The following EPHA6 variants were observed in gnomAD, a reference collection of about 807,000 sequenced individuals.
EPHA6 encodes EPH receptor A6, also known as ephrin type-A receptor 6.
Under a neutral mutation model 112.0 loss-of-function variants are expected in EPHA6, and 50 were observed. That is an observed-to-expected ratio of 0.45 (90% CI 0.36 to 0.56). The LOEUF is 0.56. Ranked by LOEUF, EPHA6 falls within the 20% of genes least tolerant of loss-of-function variation. The probability of loss-of-function intolerance (pLI) is 0.00; values close to 1 mark genes in which losing one functional copy is unlikely to be tolerated. For synonymous variants in EPHA6, 529 were observed against 490.7 expected, an observed-to-expected ratio of 1.08 and a Z score of -1.03; for missense variants, 1,280 against 1,417.4, an observed-to-expected ratio of 0.90 and a Z score of 1.56.
At chr3:97,329,579 A>T (rs1052067679) in intron 5 of EPHA6, among the ~76,000 whole-genome samples, 2 of 151,716 alleles carry the variant, frequency 1.3e-5, no homozygotes, top group African/African-American at 4.9e-5. Context: ...GATGATGAGC[A>T]TTTTTTCATG....
chr3:97,684,811 G>A (rs546751745), intron 14 of EPHA6, among the ~76,000 whole-genome samples: 8 of 152,138 alleles, frequency 5.3e-5, no homozygotes, highest in Non-Finnish European at 7.4e-5. Context: ...CATCAGATAC[G>A]TAAAATTGTA....
chr3:97,050,351 T>G (rs1007123367), intron 3 of EPHA6, among the ~76,000 whole-genome samples: 1 of 152,166 alleles, frequency 6.6e-6, no homozygotes, highest in African/African-American at 2.4e-5. Context: ...GTAATTCATC[T>G]AACAATTAGC....
chr3:97,654,627 A>G (rs889765605), intron 14 of EPHA6, among the ~76,000 whole-genome samples: 1 of 151,964 alleles, frequency 6.6e-6, no homozygotes, highest in African/African-American at 2.4e-5. Flanking sequence ...ACCAGCCAGG[A>G]AAAGATTTGA....
intron 1 of EPHA6, among the ~76,000 whole-genome samples, chr3:96,829,934 C>CAT (rs1163380599): frequency 7.6e-5 from 10 of 132,310 alleles, no homozygotes; most frequent in African/African-American, 3.1e-4. Flanking sequence ...CATGCACGTG[C>CAT]ATGTGCGCGC....
chr3:96,876,132 TA>T lies in EPHA6; in HGVS notation c.450+9244del, dbSNP rs201262450. Among the ~76,000 whole-genome samples, 671 of 135,114 alleles carry T rather than the reference TA, an allele frequency of 5.0e-3. 3 individuals carry two copies. Among genetic ancestry groups the T allele is most frequent in the African/African-American group, 0.012 (366 of 29,326 alleles). 88.6% of individuals were successfully genotyped at this position (135,114 alleles called of 152,430 possible). A position where few individuals can be genotyped will look rare whatever the true frequency, so the allele number is the denominator to read the frequency against. ...TAACATATTATTAATAAAATACATA[TA>T]TTTTTTTTTTTTTTGTAGAGATGGG... On this transcript the variant is annotated intron_variant, in intron 2 of 17. Coordinates refer to ENST00000389672, the MANE Select transcript of EPHA6 (RefSeq NM_001080448.3).
intron 3 of EPHA6, among the ~76,000 whole-genome samples, chr3:97,180,454 A>G (rs2076956894): frequency 6.6e-6 from 1 of 152,006 alleles, no homozygotes; most frequent in Non-Finnish European, 1.5e-5. Flanking sequence ...AGGCAGATGG[A>G]GTTTGCCCTG....
At position 96,833,179 on chromosome 3, in the gene EPHA6, G is replaced by A. The variant is rs186198970; in HGVS notation, c.385+18171G>A. On this transcript the variant is annotated intron_variant, in intron 1 of 17. Transcript: ENST00000389672. ...TAAGATGAGGTCTTACTGTTTTAGG[G>A]TGGACCCCTAATCTAGTATGACTGG... 5.3e-3 allele frequency among the ~76,000 whole-genome samples: 797 copies of A among 149,038 alleles called. 5 individuals are homozygous for A. The highest frequency in any genetic ancestry group is 5.8e-3 in the Non-Finnish European group (391 of 67,352).
chr3:97,219,305 C>G (rs1460694663), intron 3 of EPHA6, among the ~76,000 whole-genome samples: 1 of 152,170 alleles, frequency 6.6e-6, no homozygotes, highest in Non-Finnish European at 1.5e-5. Context: ...TTTCCCTCTT[C>G]ATTGCTCTAG....
intron 10 of EPHA6, among the ~76,000 whole-genome samples, chr3:97,486,816 G>A (rs774648763): frequency 1.3e-5 from 2 of 152,208 alleles, no homozygotes; most frequent in Non-Finnish European, 2.9e-5. Context: ...CATAGCAGCA[G>A]TGTGGACAAA....
At chr3:97,131,007 T>C (rs2048322318) in intron 3 of EPHA6, among the ~76,000 whole-genome samples, 1 of 152,142 alleles carries the variant, frequency 6.6e-6, no homozygotes, top group Non-Finnish European at 1.5e-5. Context: ...AATTCTTTCA[T>C]TATTCCATCA....
At chr3:97,260,405 A>C (rs982865295) in intron 5 of EPHA6, among the ~76,000 whole-genome samples, 7 of 152,210 alleles carry the variant, frequency 4.6e-5, no homozygotes, top group African/African-American at 1.7e-4. Context: ...CTTTGATAAG[A>C]AAGTTATAGA....
chr3:97,546,764 C>A (rs189277132), intron 11 of EPHA6, among the ~76,000 whole-genome samples: 50 of 152,240 alleles, frequency 3.3e-4, no homozygotes, highest in Middle Eastern at 3.4e-3. Context: ...TTGTTCATTT[C>A]TTTTTATTCT....
At chr3:97,310,323 G>GCCATTTC (rs953537508) in intron 5 of EPHA6, among the ~76,000 whole-genome samples, 7 of 151,472 alleles carry the variant, frequency 4.6e-5, no homozygotes, top group Non-Finnish European at 8.9e-5. Context: ...ACTTGGAAAA[G>GCCATTTC]CCATTTCAAT....
At chr3:97,696,766 A>G (rs1390117956) in intron 14 of EPHA6, among the ~76,000 whole-genome samples, 1 of 152,142 alleles carries the variant, frequency 6.6e-6, no homozygotes, top group Non-Finnish European at 1.5e-5. Context: ...AACTTCCTCA[A>G]AAGAGGAGGG....
chr3:97,509,023 G>GTGTTTTTTTTTTTTTTTTTTTT (rs2092314404), intron 10 of EPHA6, among the ~76,000 whole-genome samples: 1 of 48,080 alleles, frequency 2.1e-5, no homozygotes, highest in Admixed American at 2.7e-4. Flanking sequence ...TTTTTTTTTT[G>GTGTTTTTTTTTTTTTTTTTTTT]CTTTCCATTT....
chr3:97,003,179 T>G (rs1291629635), intron 3 of EPHA6, among the ~76,000 whole-genome samples: 1 of 152,042 alleles, frequency 6.6e-6, no homozygotes, highest in Non-Finnish European at 1.5e-5. Context: ...GAAATCTCAG[T>G]TCACTGCAAC....
intron 14 of EPHA6, chr3:97,648,603 A>C: frequency 8.7e-7 from 1 of 1,150,044 alleles, no homozygotes; most frequent in Non-Finnish European, 1.1e-6. Flanking sequence ...ACTTTCATTA[A>C]CATGAGTAAA....
chr3:97,704,908 C>T (rs2033599082), intron 14 of EPHA6, among the ~76,000 whole-genome samples: 1 of 152,106 alleles, frequency 6.6e-6, no homozygotes, highest in Non-Finnish European at 1.5e-5. Context: ...ATGTTACTAA[C>T]TTTCTAGACA....
chr3:97,455,615 T>C (rs2090656220), intron 7 of EPHA6, among the ~76,000 whole-genome samples: 1 of 152,064 alleles, frequency 6.6e-6, no homozygotes, highest in Non-Finnish European at 1.5e-5. Flanking sequence ...ATAATGTCTT[T>C]GAATATAAGC....
Sources: allele counts gnomAD v4.1 joint callset (sites outside exome capture counted in the v4.1 genomes callset), GRCh38; gene constraint gnomAD v4.1.1; transcripts MANE v1.5; gene names NCBI Gene and HGNC (gene_info 2026-07-23, HGNC 2026-07-21).